SNTG1: variants seen among roughly 807,000 people sequenced by gnomAD.
SNTG1 encodes the protein gamma-1-syntrophin.
Under a neutral mutation model 74.7 loss-of-function variants are expected in SNTG1, and 39 were observed. The ratio of observed to expected loss-of-function variants is 0.52; its 90% CI spans 0.40 to 0.68. The LOEUF is 0.68. Ranked by LOEUF, SNTG1 falls within the 30% of genes least tolerant of loss-of-function variation. SNTG1 has a pLI of 0.00. For missense variants in SNTG1, 685 were observed against 609.5 expected (o/e 1.12, Z -1.30); for synonymous variants, 254 against 217.1 (o/e 1.17, Z -1.49).
intron 17 of SNTG1, among the ~76,000 whole-genome samples, chr8:50,728,031 G>T (rs2095504317): frequency 6.6e-6 from 1 of 152,122 alleles, no homozygotes; most frequent in Non-Finnish European, 1.5e-5. Flanking sequence ...AGAGTTGTCA[G>T]CACAAGATGC....
intron 4 of SNTG1, among the ~76,000 whole-genome samples, chr8:50,415,576 A>G (rs2131420472): frequency 6.6e-6 from 1 of 152,254 alleles, no homozygotes; most frequent in Admixed American, 6.5e-5. Context: ...TTGTTTTAGT[A>G]GCACAAGTAG....
intron 2 of SNTG1, among the ~76,000 whole-genome samples, chr8:50,229,082 T>A (rs944046503): frequency 6.6e-6 from 1 of 151,576 alleles, no homozygotes; most frequent in South Asian, 2.1e-4. Context: ...TTAGATCAGC[T>A]AAAATGATAT....
At chr8:50,346,020 T>C (rs1343815731) in intron 2 of SNTG1, among the ~76,000 whole-genome samples, 1 of 152,240 alleles carries the variant, frequency 6.6e-6, no homozygotes, top group Non-Finnish European at 1.5e-5. Flanking sequence ...TTCATTCATG[T>C]CTTAATTTAT....
chr8:50,192,693 C>T (rs1180219776), intron 2 of SNTG1, among the ~76,000 whole-genome samples: 3 of 150,762 alleles, frequency 2.0e-5, no homozygotes, highest in Admixed American at 6.6e-5. Flanking sequence ...ATTGCATTTG[C>T]TTTTGGGTTC....
At chr8:50,749,723 G>A (rs1170738812) in intron 17 of SNTG1, among the ~76,000 whole-genome samples, 1 of 151,922 alleles carries the variant, frequency 6.6e-6, no homozygotes, top group Non-Finnish European at 1.5e-5. Context: ...AAATCCTGAG[G>A]AACATCTGTT....
At chr8:50,048,965 A>G (rs1312158212) in intron 1 of SNTG1, among the ~76,000 whole-genome samples, 1 of 152,120 alleles carries the variant, frequency 6.6e-6, no homozygotes, top group African/African-American at 2.4e-5. Context: ...TGTTATATTA[A>G]TAAATAGTGC....
At chr8:50,641,799 C>T (rs564567023) in intron 13 of SNTG1, among the ~76,000 whole-genome samples, 2 of 152,246 alleles carry the variant, frequency 1.3e-5, no homozygotes, top group East Asian at 3.9e-4. Context: ...TTTCTTACAC[C>T]TTTGTGGTTC....
chr8:50,350,305 G>A (rs2091615490), intron 2 of SNTG1, among the ~76,000 whole-genome samples: 1 of 152,176 alleles, frequency 6.6e-6, no homozygotes, highest in African/African-American at 2.4e-5. Context: ...AGGAGTGTGG[G>A]CGCACTGCAG....
chr8:50,110,751 T>C (rs533788965), intron 1 of SNTG1, among the ~76,000 whole-genome samples: 1 of 152,010 alleles, frequency 6.6e-6, no homozygotes, highest in East Asian at 1.9e-4. Flanking sequence ...AATACTACTG[T>C]AGTGCAAAAA....
intron 12 of SNTG1, among the ~76,000 whole-genome samples, chr8:50,576,749 C>T (rs1320983596): frequency 6.6e-6 from 1 of 151,710 alleles, no homozygotes; most frequent in South Asian, 2.1e-4. Context: ...TTTAAGTTTT[C>T]TTTTCAGATT....
chr8:50,140,132 A>G (rs2081607973), intron 1 of SNTG1, among the ~76,000 whole-genome samples: 1 of 152,232 alleles, frequency 6.6e-6, no homozygotes, highest in Non-Finnish European at 1.5e-5. Context: ...TCAATCAACC[A>G]ATAAGCACTG....
intron 18 of SNTG1, among the ~76,000 whole-genome samples, chr8:50,759,336 G>A (rs1359793531): frequency 6.6e-6 from 1 of 151,776 alleles, no homozygotes; most frequent in Non-Finnish European, 1.5e-5. Context: ...TGTCAATTTT[G>A]GCTTTTGTTG....
intron 17 of SNTG1, among the ~76,000 whole-genome samples, chr8:50,720,094 T>A (rs189685140): frequency 6.6e-6 from 1 of 152,300 alleles, no homozygotes; most frequent in Admixed American, 6.5e-5. Flanking sequence ...TTCTATTATG[T>A]CCAGTTCAAA....
chr8:50,246,278 AT>A (rs1217195518), intron 2 of SNTG1, among the ~76,000 whole-genome samples: 1 of 152,034 alleles, frequency 6.6e-6, no homozygotes, highest in African/African-American at 2.4e-5. Flanking sequence ...TAAGGAGCAG[AT>A]ACAAGGGGAC....
chr8:50,409,596 A>G (rs185918549), intron 4 of SNTG1, among the ~76,000 whole-genome samples: 1 of 152,166 alleles, frequency 6.6e-6, no homozygotes, highest in Non-Finnish European at 1.5e-5. Context: ...GAAAGCAATC[A>G]TCTTCCCCTG....
intron 1 of SNTG1, among the ~76,000 whole-genome samples, chr8:50,101,911 G>A (rs1033705933): frequency 2.0e-5 from 3 of 152,014 alleles, no homozygotes; most frequent in African/African-American, 7.3e-5. Flanking sequence ...TGGCTGCATA[G>A]TATTCCATGG....
intron 4 of SNTG1, 53 bp from the exon 5 acceptor site, chr8:50,438,490 T>C: frequency 3.3e-6 from 5 of 1,499,512 alleles, no homozygotes; most frequent in Non-Finnish European, 4.6e-6. Context: ...AAAAATGGTG[T>C]GTAAGTATAG....
chr8:50,030,697 T>C (rs1345417789), intron 1 of SNTG1, among the ~76,000 whole-genome samples: 2 of 152,062 alleles, frequency 1.3e-5, no homozygotes, highest in Non-Finnish European at 2.9e-5. Context: ...TTTTGTTTCA[T>C]TGATCTATTG....
chr8:50,315,847 G>T (rs2090296805), intron 2 of SNTG1, among the ~76,000 whole-genome samples: 1 of 152,116 alleles, frequency 6.6e-6, no homozygotes, highest in African/African-American at 2.4e-5. Context: ...ACAGATGTGA[G>T]CTGAAAGTGT....
Sources: allele counts gnomAD v4.1 joint callset (sites outside exome capture counted in the v4.1 genomes callset), GRCh38; gene constraint gnomAD v4.1.1; transcripts MANE v1.5; gene names NCBI Gene and HGNC (gene_info 2026-07-23, HGNC 2026-07-21).